MECR: variants seen among roughly 807,000 people sequenced by gnomAD.
MECR encodes enoyl-[acyl-carrier-protein] reductase, mitochondrial.
A neutral mutation model predicts 49.1 loss-of-function variants in MECR; 37 were observed. That is an observed-to-expected ratio of 0.75 (90% CI 0.58 to 0.99). The LOEUF (loss-of-function observed/expected upper bound fraction) is 0.99. Among genes scored for constraint, MECR ranks in the 50% least tolerant of loss-of-function variants. The pLI is 0.00. For missense variants in MECR, 470 were observed against 479.6 expected (o/e 0.98, Z 0.19); for synonymous variants, 198 against 191.1 (o/e 1.04, Z -0.30).
the MECR span, chr1:29,172,721 T>G: frequency 1.3e-5 from 2 of 152,232 alleles, no homozygotes; most frequent in African/African-American, 4.8e-5. Context: ...ACTGAGATAC[T>G]TGAATATGTT....
intron 3 of MECR, among the ~76,000 whole-genome samples, chr1:29,214,970 A>C (rs530027425): frequency 2.9e-4 from 44 of 152,226 alleles, no homozygotes; most frequent in African/African-American, 1.1e-3. Context: ...AATCCTACTC[A>C]TTAGCTTGGC....
At chr1:29,223,735 A>G (rs1681351935) in intron 1 of MECR, among the ~76,000 whole-genome samples, 1 of 152,196 alleles carries the variant, frequency 6.6e-6, no homozygotes, top group African/African-American at 2.4e-5. Flanking sequence ...CTGGTGTGCT[A>G]GGTACATTGT....
At chr1:29,217,587 C>G (rs761326606) in intron 1 of MECR, among the ~76,000 whole-genome samples, 2 of 152,026 alleles carry the variant, frequency 1.3e-5, no homozygotes, top group African/African-American at 4.8e-5. Flanking sequence ...TTCCAAAACT[C>G]GCTTAGTTAT....
intron 1 of MECR, chr1:29,220,655 CATA>C: frequency 6.6e-6 from 1 of 152,400 alleles, no homozygotes; most frequent in African/African-American, 2.4e-5. Context: ...GATCTCAGTT[CATA>C]GATGATGGGT....
At chr1:29,188,222 C>T (rs1204098679), downstream of MECR, among the ~76,000 whole-genome samples, 1 of 151,330 alleles carries the variant, frequency 6.6e-6, no homozygotes, top group Non-Finnish European at 1.5e-5. Flanking sequence ...TGGAGTCTCA[C>T]TCTGTTGCCC....
the MECR span, among the ~76,000 whole-genome samples, chr1:29,180,695 C>G: frequency 6.6e-6 from 1 of 152,210 alleles, no homozygotes; most frequent in Admixed American, 6.5e-5. Context: ...CCATGCCTTC[C>G]AAGCCCTACC....
chr1:29,168,324 C>A, the MECR span, among the ~76,000 whole-genome samples: 3 of 152,086 alleles, frequency 2.0e-5, no homozygotes, highest in African/African-American at 7.2e-5. Flanking sequence ...AGCCACCATG[C>A]CCGGCCTTCT....
At chr1:29,200,053 G>A (rs1674949459) in intron 7 of MECR, among the ~76,000 whole-genome samples, 1 of 152,114 alleles carries the variant, frequency 6.6e-6, no homozygotes, top group South Asian at 2.1e-4. Flanking sequence ...GAGCCACAGT[G>A]CCCAGCCAAC....
intron 9 of MECR, among the ~76,000 whole-genome samples, chr1:29,195,588 C>G (rs1673769202): frequency 6.6e-6 from 1 of 152,188 alleles, no homozygotes; most frequent in Non-Finnish European, 1.5e-5. Context: ...GTAACTTGCT[C>G]AAGGTCCCAC....
the MECR span, chr1:29,182,082 C>A: frequency 1.3e-5 from 3 of 234,994 alleles, no homozygotes; most frequent in Admixed American, 1.8e-4. Flanking sequence ...CGCGCGAGCT[C>A]GCCAAAGGGG....
intron 7 of MECR, among the ~76,000 whole-genome samples, chr1:29,199,444 G>T (rs868284713): frequency 8.6e-5 from 13 of 151,720 alleles, no homozygotes; most frequent in South Asian, 6.2e-4. Flanking sequence ...AGCCAGGATG[G>T]TCTCGATCTC....
the MECR span, among the ~76,000 whole-genome samples, chr1:29,174,631 G>A: frequency 1.3e-5 from 2 of 150,152 alleles, no homozygotes; most frequent in African/African-American, 4.9e-5. Context: ...AAAAAAAGGA[G>A]TCAGGAGAGG....
At chr1:29,174,712 T>TC in the MECR span, among the ~76,000 whole-genome samples, 2 of 138,456 alleles carry the variant, frequency 1.4e-5, no homozygotes, top group Non-Finnish European at 3.1e-5. Context: ...TCTTGCTCCA[T>TC]CACCAGGCTG....
At chr1:29,171,317 G>A in the MECR span, 1 of 150,694 alleles carries the variant, frequency 6.6e-6, no homozygotes, top group Non-Finnish European at 1.5e-5. Context: ...CCGGAAACCT[G>A]AACTACCCTC....
At chr1:29,198,611 G>A (rs1674579611) in intron 7 of MECR, among the ~76,000 whole-genome samples, 1 of 151,362 alleles carries the variant, frequency 6.6e-6, no homozygotes, top group African/African-American at 2.4e-5. Flanking sequence ...TTTGGGCCTT[G>A]TTTTTTTTTG....
At chr1:29,228,136 G>A (rs935111510) in intron 1 of MECR, among the ~76,000 whole-genome samples, 1 of 152,064 alleles carries the variant, frequency 6.6e-6, no homozygotes, top group South Asian at 2.1e-4. Context: ...TGCTACTCAG[G>A]AGGCTGAGGT....
intron 1 of MECR, among the ~76,000 whole-genome samples, chr1:29,226,697 G>T (rs1334305332): frequency 1.3e-5 from 2 of 151,992 alleles, no homozygotes; most frequent in Non-Finnish European, 2.9e-5. Context: ...GTAAGATCTC[G>T]GATAAGTGCC....
At chr1:29,179,659 C>A in the MECR span, among the ~76,000 whole-genome samples, 2 of 152,326 alleles carry the variant, frequency 1.3e-5, no homozygotes, top group Admixed American at 1.3e-4. Flanking sequence ...ATATACTATT[C>A]CCAGAAACCT....
At chr1:29,222,252 C>G (rs919129123) in intron 1 of MECR, among the ~76,000 whole-genome samples, 3 of 152,060 alleles carry the variant, frequency 2.0e-5, no homozygotes, top group African/African-American at 7.2e-5. Flanking sequence ...TGCCACCACG[C>G]CTGGCTAATT....
Sources: allele counts gnomAD v4.1 joint callset (sites outside exome capture counted in the v4.1 genomes callset), GRCh38; gene constraint gnomAD v4.1.1; transcripts MANE v1.5; gene names NCBI Gene and HGNC (gene_info 2026-07-23, HGNC 2026-07-21).